TCEA3: variants seen among roughly 807,000 people sequenced by gnomAD.
The protein encoded by TCEA3 is transcription elongation factor A protein 3.
A neutral mutation model predicts 44.0 loss-of-function variants in TCEA3; 36 were observed. The ratio of observed to expected loss-of-function variants is 0.82; its 90% CI spans 0.63 to 1.08. The LOEUF (loss-of-function observed/expected upper bound fraction) is 1.08, where lower values mean the gene tolerates loss of function less well. Ranked by LOEUF, TCEA3 falls within the 50% of genes least tolerant of loss-of-function variation. The pLI, the probability that TCEA3 is intolerant of heterozygous loss-of-function variation, is 0.00. For missense variants in TCEA3, 392 were observed against 441.2 expected, an observed-to-expected ratio of 0.89 and a Z score of 1.00; for synonymous variants, 162 against 159.7, an observed-to-expected ratio of 1.01 and a Z score of -0.11.
intron 9 of TCEA3, among the ~76,000 whole-genome samples, chr1:23,385,341 C>T (rs2148542692): frequency 6.6e-6 from 1 of 152,328 alleles, no homozygotes; most frequent in African/African-American, 2.4e-5. Flanking sequence ...GCCAGGCGGA[C>T]ACAGCTTAGC....
chr1:23,421,534 C>T (rs945497213), intron 1 of TCEA3, among the ~76,000 whole-genome samples: 4 of 151,770 alleles, frequency 2.6e-5, no homozygotes, highest in Non-Finnish European at 4.4e-5. Flanking sequence ...TAGTGTTTGC[C>T]AATTTCTGTG....
chr1:23,397,760 C>T (rs746444769), intron 6 of TCEA3, 32 bp downstream of exon 6: 26 of 1,613,476 alleles, frequency 1.6e-5, no homozygotes, highest in Admixed American at 1.2e-4. Context: ...GGGACTCCTT[C>T]CCTCCCTCAT....
intron 8 of TCEA3, among the ~76,000 whole-genome samples, chr1:23,390,819 A>G (rs1639001465): frequency 6.6e-6 from 1 of 152,166 alleles, no homozygotes; most frequent in Non-Finnish European, 1.5e-5. Context: ...GAGCCCTGTG[A>G]TGTACCAGAC....
chr1:23,415,227 T>A (rs1019453894), intron 4 of TCEA3, among the ~76,000 whole-genome samples: 1 of 152,070 alleles, frequency 6.6e-6, no homozygotes, highest in African/African-American at 2.4e-5. Context: ...TTCACCATCT[T>A]GGCCAGGCTG....
In TCEA3 at chr1:23,381,427, C is replaced by G; in HGVS notation, c.*39G>C. On this transcript the variant is annotated 3_prime_UTR_variant, in exon 11 of 11. Transcript: ENST00000450454. ...CAGTTCAGATAATTCAGCGCTTCCT[C>G]TTTCTTCTTCCTCACCTTGTTCATG... 3 of 779,932 alleles carry G rather than the reference C, an allele frequency of 3.8e-6. No individual in the cohort carries two copies. Among genetic ancestry groups the G allele is most frequent in the Middle Eastern group, 2.3e-4 (1 of 4,440 alleles). The allele number at this position is 779,932 out of a possible 1,614,324, so 48.3% of individuals were successfully genotyped here.
chr1:23,392,472 A>G (rs1204239615), intron 8 of TCEA3, among the ~76,000 whole-genome samples: 3 of 43,730 alleles, frequency 6.9e-5, no homozygotes, highest in African/African-American at 2.9e-4. Flanking sequence ...CACATCATAC[A>G]CACCACACAC....
intron 8 of TCEA3, among the ~76,000 whole-genome samples, chr1:23,393,181 T>C (rs1384364889): frequency 6.6e-6 from 1 of 152,110 alleles, no homozygotes; most frequent in Non-Finnish European, 1.5e-5. Context: ...ATGCCGTCAC[T>C]GATCTGACAG....
intron 10 of TCEA3, among the ~76,000 whole-genome samples, chr1:23,381,989 C>T (rs1203276142): frequency 6.6e-6 from 1 of 152,000 alleles, no homozygotes; most frequent in Non-Finnish European, 1.5e-5. Flanking sequence ...GCAGTATTAA[C>T]ATGTATTAAC....
chr1:23,397,744 G>A (rs753963938), intron 6 of TCEA3, 48 bp downstream of exon 6: 3 of 1,612,640 alleles, frequency 1.9e-6, no homozygotes, highest in Non-Finnish European at 2.5e-6. Flanking sequence ...AGTGAGATTG[G>A]GAAAAGGGAC....
At chr1:23,418,616 C>G (rs997813993) in intron 2 of TCEA3, among the ~76,000 whole-genome samples, 5 of 152,170 alleles carry the variant, frequency 3.3e-5, no homozygotes, top group Admixed American at 1.3e-4. Flanking sequence ...CCAGCTCACT[C>G]TAGTGTCTTT....
chr1:23,389,780 A>T (rs960340565), intron 8 of TCEA3, among the ~76,000 whole-genome samples: 11 of 152,336 alleles, frequency 7.2e-5, no homozygotes, highest in Middle Eastern at 6.8e-3. Context: ...ATGGGACAAA[A>T]TGCTATGGTC....
At chr1:23,408,844 C>T in intron 4 of TCEA3, 118 bp from the exon 5 acceptor site, 1 of 915,694 alleles carries the variant, frequency 1.1e-6, no homozygotes. Flanking sequence ...GGAAGCCCAC[C>T]CGGGCCACAG....
At chr1:23,405,275 AG>A (rs1192950780) in intron 5 of TCEA3, among the ~76,000 whole-genome samples, 1 of 152,178 alleles carries the variant, frequency 6.6e-6, no homozygotes, top group East Asian at 1.9e-4. Flanking sequence ...TAAATCATGC[AG>A]GAAACAGTCT....
intron 5 of TCEA3, among the ~76,000 whole-genome samples, chr1:23,408,293 C>A (rs1334049734): frequency 1.3e-5 from 2 of 152,210 alleles, no homozygotes. Context: ...TCTGTCCCCA[C>A]TGGGTTCAAT....
intron 10 of TCEA3, chr1:23,383,634 T>A: frequency 8.1e-6 from 8 of 985,456 alleles, no homozygotes; most frequent in Non-Finnish European, 9.6e-6. Context: ...ACCTTAGAAC[T>A]TTTGGAGCAC....
intron 8 of TCEA3, among the ~76,000 whole-genome samples, chr1:23,391,148 C>CTTTTTTTTTTTTTT (rs59905045): frequency 7.9e-6 from 1 of 126,388 alleles, no homozygotes; most frequent in African/African-American, 3.0e-5. Flanking sequence ...TTCTTTCTTT[C>CTTTTTTTTTTTTTT]TTTTTTTTTT....
In TCEA3 at chr1:23,418,099, C is replaced by T. The variant is rs1007825686; in HGVS notation, c.133-90G>A. ...GCAGATCCTGCCCCAGCTCTACCAC[C>T]ACCTCCCCTTCCAACCTGGACCCCC... On this transcript the variant is annotated intron_variant, in intron 2 of 10. Transcript: ENST00000450454. 6 of 1,302,060 alleles carry T rather than the reference C, an allele frequency of 4.6e-6. No individual in the cohort carries two copies. In the African/African-American group the frequency reaches 5.8e-5, roughly 13 times the overall value. 80.7% of individuals were successfully genotyped at this position (1,302,060 alleles called of 1,614,324 possible).
chr1:23,418,120 C>T, intron 2 of TCEA3, 111 bp from the exon 3 acceptor site: 1 of 1,022,144 alleles, frequency 9.8e-7, no homozygotes, highest in Non-Finnish European at 1.5e-6. Flanking sequence ...CCAACCTGGA[C>T]CCCCAGAGTC....
chr1:23,396,929 C>T (rs923230465), intron 7 of TCEA3, among the ~76,000 whole-genome samples: 59 of 149,030 alleles, frequency 4.0e-4, no homozygotes, highest in African/African-American at 1.3e-3. Flanking sequence ...CGCTTGAACC[C>T]AGAAGTTGTA....
Sources: gnomAD v4.1 joint callset for allele counts (sites outside exome capture counted in the v4.1 genomes callset) on GRCh38, gnomAD v4.1.1 for gene constraint, MANE v1.5 for transcripts, NCBI Gene and HGNC (gene_info 2026-07-23, HGNC 2026-07-21) for gene names.